Variants in CNIH3 observed in about 807,000 individuals in gnomAD.
CNIH3 encodes protein cornichon homolog 3.
CNIH3 carries 14 observed loss-of-function variants against 24.1 expected under a neutral mutation model. The observed-to-expected ratio is 0.58, with a 90% CI of 0.38 to 0.91. CNIH3 has a LOEUF of 0.91. Ranked by LOEUF, CNIH3 falls within the 40% of genes least tolerant of loss-of-function variation. The pLI is 0.00. For missense variants in CNIH3, 178 were observed against 196.8 expected, an observed-to-expected ratio of 0.90 and a Z score of 0.57; for synonymous variants, 68 against 73.8, an observed-to-expected ratio of 0.92 and a Z score of 0.40.
At chr1:224,629,755 G>A (rs998466006) in intron 1 of CNIH3, among the ~76,000 whole-genome samples, 1 of 151,988 alleles carries the variant, frequency 6.6e-6, no homozygotes, top group African/African-American at 2.4e-5. Context: ...AGTCTTTGCT[G>A]CACAGACTCT....
intron 3 of CNIH3, among the ~76,000 whole-genome samples, chr1:224,693,559 A>C (rs1687028728): frequency 6.6e-6 from 1 of 152,218 alleles, no homozygotes; most frequent in Non-Finnish European, 1.5e-5. Context: ...AGTCAGCCTC[A>C]GACACATCTC....
chr1:224,627,728 C>T (rs540532794), intron 1 of CNIH3, among the ~76,000 whole-genome samples: 1 of 152,144 alleles, frequency 6.6e-6, no homozygotes, highest in African/African-American at 2.4e-5. Context: ...GCTGCCATCT[C>T]GGACCCACGA....
intron 1 of CNIH3, among the ~76,000 whole-genome samples, chr1:224,451,434 T>C (rs2102964911): frequency 6.6e-6 from 1 of 152,332 alleles, no homozygotes; most frequent in African/African-American, 2.4e-5. Flanking sequence ...CTAGATCTGT[T>C]CTGATAAAAG....
chr1:224,613,200 T>C (rs1682780273), upstream of CNIH3, among the ~76,000 whole-genome samples: 1 of 152,040 alleles, frequency 6.6e-6, no homozygotes, highest in African/African-American at 2.4e-5. Context: ...GGGTCTTAAT[T>C]ATGTTGCCCA....
chr1:224,650,096 A>G (rs548755795), intron 1 of CNIH3, among the ~76,000 whole-genome samples: 69 of 152,302 alleles, frequency 4.5e-4, no homozygotes, highest in Non-Finnish European at 9.3e-4. Flanking sequence ...GTCAAGTGCA[A>G]GAGCTGAAGT....
intron 1 of CNIH3, among the ~76,000 whole-genome samples, chr1:224,443,711 A>T (rs56357462): frequency 0.066 from 9,857 of 149,342 alleles, 497 homozygotes; most frequent in African/African-American, 0.14. Context: ...ATATATATAT[A>T]TTTTTTTAGG....
intron 3 of CNIH3, among the ~76,000 whole-genome samples, chr1:224,607,229 G>A (rs1022500642): frequency 4.6e-5 from 7 of 152,104 alleles, no homozygotes; most frequent in Admixed American, 2.0e-4. Context: ...AAAGAAAATG[G>A]TGGGAGGCAA....
In CNIH3 at chr1:224,550,196, C is replaced by T. The variant is rs997175918; in HGVS notation, n.450+3257C>T. Among the ~76,000 whole-genome samples, 8 of 152,100 alleles carry T rather than the reference C, an allele frequency of 5.3e-5. No individual in the cohort carries two copies. The South Asian group carries it at 6.2e-4, about 12-fold the overall frequency. On this transcript the variant is annotated intron_variant and non_coding_transcript_variant, in intron 3 of 5. Transcript: ENST00000471578. ...TAGAAATATCAGAGCAATGATATTA[C>T]GTTAATATCACAGTGGGTAAACAGT...
intron 4 of CNIH3, chr1:224,574,925 C>T: frequency 1.0e-6 from 1 of 975,322 alleles, no homozygotes; most frequent in South Asian, 1.3e-5. Flanking sequence ...TCTCCAACTT[C>T]AACCATCTCC....
At chr1:224,735,424 G>C (rs1689545694) in intron 5 of CNIH3, among the ~76,000 whole-genome samples, 1 of 152,026 alleles carries the variant, frequency 6.6e-6, no homozygotes, top group Non-Finnish European at 1.5e-5. Flanking sequence ...GCTCCTCTTT[G>C]GCTCATCTCT....
At chr1:224,676,479 G>A (rs982820266) in intron 1 of CNIH3, among the ~76,000 whole-genome samples, 11 of 152,284 alleles carry the variant, frequency 7.2e-5, no homozygotes, top group African/African-American at 2.6e-4. Flanking sequence ...AAAAGAGTGA[G>A]TTTTACTGCA....
chr1:224,727,097 C>T (rs184523598), intron 3 of CNIH3, among the ~76,000 whole-genome samples: 29 of 152,292 alleles, frequency 1.9e-4, no homozygotes, highest in Admixed American at 1.2e-3. Context: ...AGCCCCTGCC[C>T]GAGCATGTCC....
chr1:224,549,250 C>T (rs1325580411), intron 3 of CNIH3, among the ~76,000 whole-genome samples: 3 of 151,940 alleles, frequency 2.0e-5, no homozygotes, highest in African/African-American at 7.2e-5. Flanking sequence ...ATGATATTTC[C>T]TTAATATCAC....
At chr1:224,503,035 C>G (rs1677744560) in intron 1 of CNIH3, among the ~76,000 whole-genome samples, 1 of 139,676 alleles carries the variant, frequency 7.2e-6, no homozygotes, top group Non-Finnish European at 1.6e-5. Context: ...AACAGCTCTC[C>G]CGGGGAGGGA....
Position 224,630,806 on chromosome 1 carries a change from C to T in CNIH3, c.81+13551C>T, listed in dbSNP as rs79477762. 2.4e-3 allele frequency among the ~76,000 whole-genome samples: 373 copies of T among 152,276 alleles called. 9 individuals are homozygous for T. In the East Asian group the frequency reaches 0.049, roughly 20 times the overall value. ...GAGTGTAATTAACACCTGAAACTGC[C>T]TTCAGGTGAGTGAGGTGGGTGGTTT... On this transcript the variant is annotated intron_variant, in intron 1 of 5. Transcript: ENST00000272133.
intron 1 of CNIH3, among the ~76,000 whole-genome samples, chr1:224,444,714 G>C (rs1675072540): frequency 6.6e-6 from 1 of 151,854 alleles, no homozygotes; most frequent in African/African-American, 2.4e-5. Context: ...GCGCGATCTC[G>C]GCTCACTGCA....
At chr1:224,471,199 C>A (rs1386637048) in intron 1 of CNIH3, among the ~76,000 whole-genome samples, 1 of 152,042 alleles carries the variant, frequency 6.6e-6, no homozygotes, top group Non-Finnish European at 1.5e-5. Flanking sequence ...CCACCACATC[C>A]AGCTCATGTT....
chr1:224,464,680 A>AT (rs1166456807), intron 1 of CNIH3, among the ~76,000 whole-genome samples: 2 of 151,940 alleles, frequency 1.3e-5, no homozygotes, highest in Non-Finnish European at 2.9e-5. Context: ...CCATTTATCT[A>AT]TTTTCCTTAT....
At chr1:224,695,589 G>A (rs1316138300) in intron 3 of CNIH3, among the ~76,000 whole-genome samples, 1 of 152,162 alleles carries the variant, frequency 6.6e-6, no homozygotes, top group Non-Finnish European at 1.5e-5. Context: ...CAGCTCATAG[G>A]TCTGGTCCCA....
Sources: gnomAD v4.1 joint callset for allele counts (sites outside exome capture counted in the v4.1 genomes callset) on GRCh38, gnomAD v4.1.1 for gene constraint, MANE v1.5 for transcripts, NCBI Gene and HGNC (gene_info 2026-07-23, HGNC 2026-07-21) for gene names.